Variants in COL23A1 observed in about 807,000 individuals in gnomAD.
COL23A1 encodes collagen alpha-1(XXIII) chain.
A neutral mutation model predicts 99.3 loss-of-function variants in COL23A1; 97 were observed. The observed-to-expected ratio is 0.98, with a 90% CI of 0.83 to 1.16. The LOEUF is 1.16. COL23A1 is among the 50% of genes most tolerant of loss of function. The pLI, the probability that COL23A1 is intolerant of heterozygous loss-of-function variation, is 0.00. For missense variants in COL23A1, 762 were observed against 757.4 expected, an observed-to-expected ratio of 1.01 and a Z score of -0.07; for synonymous variants, 320 against 308.2, an observed-to-expected ratio of 1.04 and a Z score of -0.40.
intron 2 of COL23A1, among the ~76,000 whole-genome samples, chr5:178,554,711 A>C (rs1034964600): frequency 2.0e-5 from 3 of 152,132 alleles, no homozygotes; most frequent in African/African-American, 7.2e-5. Context: ...CCTGGTTCCA[A>C]GAATGGTCAC....
chr5:178,297,326 G>T (rs1418371839), intron 3 of COL23A1, among the ~76,000 whole-genome samples: 2 of 152,222 alleles, frequency 1.3e-5, no homozygotes, highest in Admixed American at 6.5e-5. Flanking sequence ...TTAGAGACCA[G>T]CTTGGCCAAC....
chr5:178,520,040 G>A (rs1443528122), intron 2 of COL23A1, among the ~76,000 whole-genome samples: 2 of 152,212 alleles, frequency 1.3e-5, no homozygotes, highest in Non-Finnish European at 2.9e-5. Context: ...ATGGTCAGAT[G>A]ATGGACAGAT....
At chr5:178,414,410 TAAAA>T (rs11332594) in intron 2 of COL23A1, among the ~76,000 whole-genome samples, 1 of 148,650 alleles carries the variant, frequency 6.7e-6, no homozygotes, top group African/African-American at 2.5e-5. Context: ...ATCCTTTTTT[TAAAA>T]AAAAAAAAAG....
At chr5:178,261,846 C>G (rs1186182028) in intron 10 of COL23A1, 98 bp from the exon 11 acceptor site, 43 of 1,065,740 alleles carry the variant, frequency 4.0e-5, no homozygotes. Context: ...TGACACCAAT[C>G]CCAGAGAGCA....
rs1301464208 is a variant in COL23A1, at chr5:178,518,657, GGGAT to G, written c.361+42021_361+42024del. On this transcript the variant is annotated intron_variant, in intron 2 of 28. Coordinates refer to ENST00000390654, the MANE Select transcript of COL23A1 (RefSeq NM_173465.4). ...CAGAGACGCTCCTCACTTCCTAGAT[GGGAT>G]GGCGGCCGGGCGGAGACGCTCCTCA... Among the ~76,000 whole-genome samples the G allele has an allele frequency of 6.7e-4, 80 of 119,322 alleles. No homozygotes were observed. The Middle Eastern group carries it at 0.021, about 31-fold the overall frequency. 78.3% of individuals were successfully genotyped at this position (119,322 alleles called of 152,430 possible). A position where few individuals can be genotyped will look rare whatever the true frequency, so the allele number is the denominator to read the frequency against.
At chr5:178,257,732 G>A (rs2127546681) in intron 12 of COL23A1, among the ~76,000 whole-genome samples, 165 bp from the exon 13 acceptor site, 1 of 152,224 alleles carries the variant, frequency 6.6e-6, no homozygotes, top group South Asian at 2.1e-4. Context: ...GGCAGGTGTG[G>A]GGTCAGACCC....
intron 2 of COL23A1, among the ~76,000 whole-genome samples, chr5:178,545,684 G>A (rs1291162995): frequency 6.6e-6 from 1 of 152,030 alleles, no homozygotes; most frequent in Non-Finnish European, 1.5e-5. Context: ...GTGAACCGAG[G>A]GTCTAAGCAG....
intron 2 of COL23A1, among the ~76,000 whole-genome samples, chr5:178,382,177 G>A (rs1481100230): frequency 6.6e-6 from 1 of 152,148 alleles, no homozygotes; most frequent in Admixed American, 6.5e-5. Context: ...GCTCAGAGAG[G>A]CTGGGTGTCT....
chr5:178,529,080 G>A (rs919084997), intron 2 of COL23A1, among the ~76,000 whole-genome samples: 4 of 152,216 alleles, frequency 2.6e-5, no homozygotes, highest in African/African-American at 9.7e-5. Context: ...GGTCCCTCGC[G>A]GCTGTTCTCC....
At chr5:178,588,607 A>G (rs557048694) in intron 1 of COL23A1, among the ~76,000 whole-genome samples, 2 of 152,310 alleles carry the variant, frequency 1.3e-5, no homozygotes, top group African/African-American at 4.8e-5. Context: ...GGCCCTTTCA[A>G]GGGTAAAATA....
chr5:178,372,027 A>G (rs1450112524), intron 2 of COL23A1, among the ~76,000 whole-genome samples: 3 of 152,254 alleles, frequency 2.0e-5, no homozygotes, highest in Admixed American at 1.3e-4. Context: ...GCCGTGACCC[A>G]CAGATGTTTT....
At chr5:178,259,002 C>A (rs1214607475) in intron 12 of COL23A1, among the ~76,000 whole-genome samples, 1 of 148,856 alleles carries the variant, frequency 6.7e-6, no homozygotes, top group Non-Finnish European at 1.5e-5. Flanking sequence ...CTGCAACCTT[C>A]GCTTCCTGGG....
At chr5:178,536,994 G>A (rs569122417) in intron 2 of COL23A1, among the ~76,000 whole-genome samples, 13 of 152,342 alleles carry the variant, frequency 8.5e-5, no homozygotes, top group South Asian at 4.1e-4. Flanking sequence ...CATCCTCACC[G>A]CCGACGGCTG....
At chr5:178,256,119 A>G (rs1389330868) in intron 15 of COL23A1, among the ~76,000 whole-genome samples, 1 of 152,242 alleles carries the variant, frequency 6.6e-6, no homozygotes, top group East Asian at 1.9e-4. Flanking sequence ...ATCTGGCTTC[A>G]TAATAGCAGG....
intron 2 of COL23A1, among the ~76,000 whole-genome samples, chr5:178,449,437 G>A (rs781768474): frequency 8.2e-4 from 124 of 152,142 alleles, no homozygotes; most frequent in Non-Finnish European, 1.4e-3. Context: ...GCTACAAACC[G>A]AGAGGTTTCT....
intron 2 of COL23A1, among the ~76,000 whole-genome samples, chr5:178,494,084 T>G (rs1758071823): frequency 1.3e-5 from 2 of 152,216 alleles, no homozygotes; most frequent in African/African-American, 4.8e-5. Context: ...ATCCAACTGT[T>G]AGAAAAATCA....
intron 2 of COL23A1, among the ~76,000 whole-genome samples, chr5:178,454,270 A>G (rs1767648057): frequency 6.6e-6 from 1 of 152,178 alleles, no homozygotes; most frequent in Admixed American, 6.5e-5. Context: ...AAAAGCTCAT[A>G]GAGTACTTCA....
chr5:178,584,214 T>G (rs1763803303), intron 1 of COL23A1, among the ~76,000 whole-genome samples: 2 of 151,942 alleles, frequency 1.3e-5, no homozygotes, highest in Admixed American at 6.6e-5. Flanking sequence ...TTCGCCATGT[T>G]GTCCAGGCTG....
intron 18 of COL23A1, 41 bp downstream of exon 18, chr5:178,250,020 C>A: frequency 1.2e-6 from 2 of 1,608,706 alleles, no homozygotes; most frequent in Non-Finnish European, 8.5e-7. Flanking sequence ...GAGCCCAATA[C>A]CAGGCACTGG....
Sources: allele counts gnomAD v4.1 joint callset (sites outside exome capture counted in the v4.1 genomes callset), GRCh38; gene constraint gnomAD v4.1.1; transcripts MANE v1.5; gene names NCBI Gene and HGNC (gene_info 2026-07-23, HGNC 2026-07-21).